EDIL3: variants seen among roughly 807,000 people sequenced by gnomAD.
EDIL3 encodes EGF-like repeat and discoidin I-like domain-containing protein 3.
EDIL3 carries 37 observed loss-of-function variants against 67.4 expected under a neutral mutation model. The ratio of observed to expected loss-of-function variants is 0.55; its 90% confidence interval spans 0.42 to 0.72. The LOEUF (loss-of-function observed/expected upper bound fraction) is 0.72. EDIL3 is among the 30% of genes least tolerant of loss of function. The probability of loss-of-function intolerance (pLI) is 0.00; values close to 1 mark genes in which losing one functional copy is unlikely to be tolerated. For synonymous variants in EDIL3, 195 were observed against 196.3 expected (o/e 0.99, Z 0.05); for missense variants, 527 against 586.3 (o/e 0.90, Z 1.04).
intron 5 of EDIL3, among the ~76,000 whole-genome samples, chr5:84,119,981 G>A (rs1450647977): frequency 6.6e-6 from 1 of 151,860 alleles, no homozygotes; most frequent in East Asian, 1.9e-4. Flanking sequence ...TAAAGGGGAT[G>A]TCTTGGGAAA....
intron 1 of EDIL3, among the ~76,000 whole-genome samples, chr5:84,303,850 TTG>T (rs34367727): frequency 2.0e-3 from 198 of 99,194 alleles, no homozygotes; most frequent in African/African-American, 6.8e-3. Context: ...GTGTGTGTGT[TTG>T]TGTGTGTGTG....
At chr5:84,048,925 T>C (rs954753267) in intron 9 of EDIL3, among the ~76,000 whole-genome samples, 3 of 152,162 alleles carry the variant, frequency 2.0e-5, no homozygotes, top group Admixed American at 1.3e-4. Flanking sequence ...CTGCTCCTCA[T>C]AGAATGTCTT....
chr5:83,995,082 T>G (rs1450755675), intron 9 of EDIL3, among the ~76,000 whole-genome samples: 1 of 151,962 alleles, frequency 6.6e-6, no homozygotes, highest in Non-Finnish European at 1.5e-5. Context: ...CAAATTAAGG[T>G]TTTAAGAATT....
At chr5:84,320,727 G>A (rs374957125) in intron 1 of EDIL3, among the ~76,000 whole-genome samples, 10 of 152,252 alleles carry the variant, frequency 6.6e-5, no homozygotes, top group East Asian at 5.8e-4. Context: ...ACTTCAGACT[G>A]CTGCAACTGT....
chr5:83,990,485 C>CAA (rs555170904), intron 9 of EDIL3, among the ~76,000 whole-genome samples: 99 of 99,214 alleles, frequency 1.0e-3, no homozygotes, highest in East Asian at 4.5e-3. Context: ...GACTCCATCA[C>CAA]AAAAAAAAAA....
intron 1 of EDIL3, among the ~76,000 whole-genome samples, chr5:84,261,079 T>C (rs1356205645): frequency 6.6e-6 from 1 of 152,160 alleles, no homozygotes; most frequent in Non-Finnish European, 1.5e-5. Flanking sequence ...ACTTAAAAAC[T>C]GAAAGAAAAT....
intron 4 of EDIL3, among the ~76,000 whole-genome samples, chr5:84,179,538 C>T (rs1469468841): frequency 6.6e-6 from 1 of 152,188 alleles, no homozygotes; most frequent in Non-Finnish European, 1.5e-5. Flanking sequence ...TTGGATACAG[C>T]TCTCGCTGAC....
At chr5:84,151,045 G>T (rs1748379800) in intron 4 of EDIL3, among the ~76,000 whole-genome samples, 1 of 152,108 alleles carries the variant, frequency 6.6e-6, no homozygotes, top group Non-Finnish European at 1.5e-5. Flanking sequence ...CAGTGGGGAA[G>T]AAACTTCTGA....
chr5:84,186,375 C>T (rs1031092447), intron 3 of EDIL3, among the ~76,000 whole-genome samples: 5 of 151,960 alleles, frequency 3.3e-5, no homozygotes, highest in Non-Finnish European at 1.5e-5. Flanking sequence ...ATTAAGTACT[C>T]CTTATGTGCT....
At chr5:84,031,667 C>T (rs1745926270) in intron 9 of EDIL3, among the ~76,000 whole-genome samples, 1 of 152,172 alleles carries the variant, frequency 6.6e-6, no homozygotes, top group East Asian at 1.9e-4. Flanking sequence ...AGAGTGTCCT[C>T]ACCAGAACCC....
chr5:84,239,754 A>C (rs1744759786), intron 2 of EDIL3, among the ~76,000 whole-genome samples: 1 of 152,238 alleles, frequency 6.6e-6, no homozygotes, highest in Admixed American at 6.5e-5. Context: ...AAAATTTTGC[A>C]ACAAAGAAAA....
intron 1 of EDIL3, among the ~76,000 whole-genome samples, chr5:84,314,262 C>T (rs530807855): frequency 7.9e-5 from 12 of 151,962 alleles, no homozygotes; most frequent in Non-Finnish European, 5.9e-5. Context: ...GGAGGCAGTC[C>T]GTACTATGAC....
intron 5 of EDIL3, among the ~76,000 whole-genome samples, chr5:84,110,832 T>C (rs1747550533): frequency 6.6e-6 from 1 of 152,144 alleles, no homozygotes; most frequent in African/African-American, 2.4e-5. Context: ...GGAATGAACA[T>C]ACAAGATATC....
At chr5:84,243,288 G>T (rs1004690291) in intron 2 of EDIL3, among the ~76,000 whole-genome samples, 1 of 152,194 alleles carries the variant, frequency 6.6e-6, no homozygotes, top group African/African-American at 2.4e-5. Context: ...GTAGTTGTGG[G>T]ACAGGAAAGC....
intron 4 of EDIL3, among the ~76,000 whole-genome samples, chr5:84,175,034 C>T (rs1483183322): frequency 6.6e-6 from 1 of 152,152 alleles, no homozygotes; most frequent in African/African-American, 2.4e-5. Context: ...AGTGAAAATG[C>T]TATTTAAACT....
intron 4 of EDIL3, among the ~76,000 whole-genome samples, chr5:84,152,893 A>G (rs1161033787): frequency 6.6e-6 from 1 of 152,222 alleles, no homozygotes; most frequent in Non-Finnish European, 1.5e-5. Context: ...AATTTATTTT[A>G]TTGAATATAA....
At chr5:84,069,557 G>GTT (rs201568029) in intron 6 of EDIL3, among the ~76,000 whole-genome samples, 1 of 150,472 alleles carries the variant, frequency 6.6e-6, no homozygotes, top group Non-Finnish European at 1.5e-5. Flanking sequence ...TAAGTTTTTG[G>GTT]TTTTTTTTTA....
rs375446708 is a variant in EDIL3 at position 84,375,327 on chromosome 5, T to C, written c.67+8981A>G. Among the ~76,000 whole-genome samples, 14 of 152,316 alleles carry C rather than the reference T, an allele frequency of 9.2e-5. No homozygotes were observed. In the South Asian group the frequency reaches 1.7e-3, roughly 18 times the overall value. On this transcript the variant is annotated intron_variant, in intron 1 of 10. Transcript: ENST00000296591. ...GAATAATACAGCATAATTCTCATTG[T>C]TTTGTAAAATACTTAAAATGATTGC...
At chr5:84,033,509 A>G (rs1391548380) in intron 9 of EDIL3, among the ~76,000 whole-genome samples, 2 of 152,012 alleles carry the variant, frequency 1.3e-5, no homozygotes, top group Admixed American at 1.3e-4. Flanking sequence ...CAGGAGTTCA[A>G]GACCAGCATG....
Sources: gnomAD v4.1 joint callset for allele counts (sites outside exome capture counted in the v4.1 genomes callset) on GRCh38, gnomAD v4.1.1 for gene constraint, MANE v1.5 for transcripts, NCBI Gene and HGNC (gene_info 2026-07-23, HGNC 2026-07-21) for gene names.